Variants in SLC13A1 observed in about 807,000 individuals in gnomAD.
SLC13A1 encodes the protein solute carrier family 13 member 1.
In SLC13A1, 65 loss-of-function variants were observed where a neutral mutation model predicts 70.0. The observed-to-expected ratio is 0.93, with a 90% CI of 0.76 to 1.14. The LOEUF (loss-of-function observed/expected upper bound fraction) is 1.14. Among genes scored for constraint, SLC13A1 ranks in the 50% most tolerant of loss-of-function variants. SLC13A1 has a pLI of 0.00. For missense variants in SLC13A1, 726 were observed against 717.8 expected (o/e 1.01, Z -0.13); for synonymous variants, 275 against 250.5 (o/e 1.10, Z -0.92).
At chr7:123,177,923 T>C (rs899847959) in intron 2 of SLC13A1, among the ~76,000 whole-genome samples, 1 of 152,096 alleles carries the variant, frequency 6.6e-6, no homozygotes, top group African/African-American at 2.4e-5. Context: ...TTTTTATTCA[T>C]TGATATGTTC....
intron 1 of SLC13A1, among the ~76,000 whole-genome samples, chr7:123,187,496 T>C (rs1438769652): frequency 6.6e-6 from 1 of 152,210 alleles, no homozygotes; most frequent in African/African-American, 2.4e-5. Flanking sequence ...TTCCATATTC[T>C]GTTAAAGACT....
chr7:123,139,949 T>C (rs1228995854), intron 7 of SLC13A1, among the ~76,000 whole-genome samples: 1 of 152,112 alleles, frequency 6.6e-6, no homozygotes, highest in Admixed American at 6.5e-5. Flanking sequence ...CAGTACTATG[T>C]TGAATAACAG....
chr7:123,113,619 A>T lies in SLC13A1; in HGVS notation c.*1899T>A, dbSNP rs1000244508. Reference sequence around the variant, plus strand: ...CAGCAGTGATAAATTGAATGACTAGAAAAAAGCAGAAATGTAATAAATACT... The same window carrying T: ...CAGCAGTGATAAATTGAATGACTAGTAAAAAGCAGAAATGTAATAAATACT... On this transcript the variant is annotated 3_prime_UTR_variant, in exon 15 of 15. Transcript: ENST00000194130. 6 of 152,184 alleles carry T rather than the reference A, an allele frequency of 3.9e-5. No homozygotes were observed. The highest frequency in any genetic ancestry group is 7.4e-5 in the Non-Finnish European group (5 of 68,018). 9.4% of individuals were successfully genotyped at this position (152,184 alleles called of 1,614,324 possible). A position where few individuals can be genotyped will look rare whatever the true frequency, so the allele number is the denominator to read the frequency against.
intron 13 of SLC13A1, among the ~76,000 whole-genome samples, chr7:123,118,340 A>T: frequency 6.6e-6 from 1 of 152,200 alleles, no homozygotes; most frequent in South Asian, 2.1e-4. Context: ...ACCAATATAC[A>T]CAGCCTACAT....
intron 1 of SLC13A1, among the ~76,000 whole-genome samples, chr7:123,188,337 G>A (rs185628881): frequency 7.2e-5 from 11 of 152,142 alleles, no homozygotes; most frequent in Admixed American, 5.9e-4. Flanking sequence ...ACCCAGTCTC[G>A]GGCAGTTCTT....
At chr7:123,188,380 G>A (rs1246628624) in intron 1 of SLC13A1, among the ~76,000 whole-genome samples, 1 of 151,932 alleles carries the variant, frequency 6.6e-6, no homozygotes, top group Non-Finnish European at 1.5e-5. Context: ...AAGAAGCTGA[G>A]ATGGTCATAC....
chr7:123,153,666 C>T (rs1288040340), intron 6 of SLC13A1, among the ~76,000 whole-genome samples: 1 of 151,940 alleles, frequency 6.6e-6, no homozygotes, highest in Non-Finnish European at 1.5e-5. Context: ...ACAAAGGGGG[C>T]AGGTATCACA....
intron 6 of SLC13A1, among the ~76,000 whole-genome samples, chr7:123,164,879 T>A (rs1266150594): frequency 4.7e-5 from 7 of 148,112 alleles, no homozygotes. Context: ...TATACCACTC[T>A]CCCCAAAAAA....
intron 1 of SLC13A1, among the ~76,000 whole-genome samples, chr7:123,198,965 CT>C (rs1472307454): frequency 6.6e-6 from 1 of 152,056 alleles, no homozygotes; most frequent in East Asian, 1.9e-4. Context: ...CACAACAAGC[CT>C]GCTACTATAC....
intron 2 of SLC13A1, among the ~76,000 whole-genome samples, chr7:123,172,133 T>A (rs1272034665): frequency 6.6e-6 from 1 of 152,186 alleles, no homozygotes; most frequent in Non-Finnish European, 1.5e-5. Flanking sequence ...TCAGGGTTAT[T>A]AAATAGCTGA....
intron 8 of SLC13A1, among the ~76,000 whole-genome samples, chr7:123,132,034 T>A (rs2116328148): frequency 6.6e-6 from 1 of 152,346 alleles, no homozygotes; most frequent in African/African-American, 2.4e-5. Context: ...TATCCTGCAT[T>A]GCTACCTGCA....
chr7:123,115,330 T>C lies in SLC13A1; in HGVS notation c.*188A>G, dbSNP rs1793143156. 6.3e-6 allele frequency: 3 copies of C among 476,062 alleles called. No individual in the cohort carries two copies. The highest frequency in any genetic ancestry group is 2.0e-5 in the African/African-American group (1 of 50,872). The allele number at this position is 476,062 out of a possible 1,614,324, so 29.5% of individuals were successfully genotyped here. A position where few individuals can be genotyped will look rare whatever the true frequency, so the allele number is the denominator to read the frequency against. ...TTGATGAAGGCACATAGATGCTCTT[T>C]AGTTGCACTGCAATAACAAATATGG... is the stretch of plus-strand genomic sequence containing the variant. On this transcript the variant is annotated 3_prime_UTR_variant, in exon 15 of 15. Transcript: ENST00000194130.
At chr7:123,140,154 T>A (rs1402054944) in intron 7 of SLC13A1, among the ~76,000 whole-genome samples, 8 of 152,114 alleles carry the variant, frequency 5.3e-5, no homozygotes, top group Non-Finnish European at 1.0e-4. Context: ...TGTTGAATTT[T>A]ATGAAATGCT....
intron 7 of SLC13A1, among the ~76,000 whole-genome samples, chr7:123,136,992 G>A (rs1490917399): frequency 6.6e-6 from 1 of 152,164 alleles, no homozygotes; most frequent in African/African-American, 2.4e-5. Flanking sequence ...GAAGGTGAGT[G>A]TGACATGAAA....
intron 1 of SLC13A1, among the ~76,000 whole-genome samples, chr7:123,191,124 G>T (rs752766610): frequency 3.3e-5 from 5 of 151,988 alleles, no homozygotes; most frequent in African/African-American, 4.8e-5. Flanking sequence ...TTTTACAGTT[G>T]CTTCCAGCCA....
intron 10 of SLC13A1, among the ~76,000 whole-genome samples, chr7:123,128,277 G>A (rs2116308147): frequency 6.6e-6 from 1 of 152,044 alleles, no homozygotes; most frequent in Non-Finnish European, 1.5e-5. Context: ...AAAACAAAGT[G>A]GGTAAAAATC....
intron 1 of SLC13A1, chr7:123,190,655 C>T (rs1386389860): frequency 4.4e-6 from 2 of 456,602 alleles, no homozygotes; most frequent in Admixed American, 4.7e-5. Flanking sequence ...TCATATTTGA[C>T]ATTAACCAAA....
intron 6 of SLC13A1, among the ~76,000 whole-genome samples, chr7:123,151,797 C>A (rs1314015959): frequency 6.6e-6 from 1 of 152,078 alleles, no homozygotes; most frequent in Non-Finnish European, 1.5e-5. Flanking sequence ...TTGTCCTCCT[C>A]AAAAACATTA....
chr7:123,121,667 T>C (rs1297870275), intron 12 of SLC13A1, among the ~76,000 whole-genome samples: 1 of 152,110 alleles, frequency 6.6e-6, no homozygotes, highest in Non-Finnish European at 1.5e-5. Flanking sequence ...GTCTATCTGC[T>C]CATGAGAGAG....
Sources: allele counts gnomAD v4.1 joint callset (sites outside exome capture counted in the v4.1 genomes callset), GRCh38; gene constraint gnomAD v4.1.1; transcripts MANE v1.5; gene names NCBI Gene and HGNC (gene_info 2026-07-23, HGNC 2026-07-21).